The following WDPCP variants were observed in gnomAD, a reference collection of about 807,000 sequenced individuals.
WDPCP encodes WD repeat containing planar cell polarity effector, also known as WD repeat-containing and planar cell polarity effector protein fritz homolog.
WDPCP carries 71 observed loss-of-function variants against 93.1 expected under a neutral mutation model. The ratio of observed to expected loss-of-function variants is 0.76; its 90% CI spans 0.63 to 0.93. The LOEUF (loss-of-function observed/expected upper bound fraction) is 0.93. WDPCP is among the 40% of genes least tolerant of loss of function. The pLI is 0.00. For missense variants in WDPCP, 844 were observed against 887.4 expected (o/e 0.95, Z 0.62); for synonymous variants, 315 against 315.0 (o/e 1.00, Z 0.00).
chr2:63,609,893 A>T (rs1289768854), intron 3 of WDPCP, among the ~76,000 whole-genome samples: 6 of 152,214 alleles, frequency 3.9e-5, no homozygotes, highest in Non-Finnish European at 1.5e-5. Flanking sequence ...AGAAAATGTT[A>T]TATGAAGAAA....
chr2:63,790,566 C>T (rs1670530178), intron 2 of WDPCP, among the ~76,000 whole-genome samples: 1 of 152,000 alleles, frequency 6.6e-6, no homozygotes, highest in Non-Finnish European at 1.5e-5. Context: ...GGGCTACAGC[C>T]CCTTAAACCT....
chr2:63,439,734 G>C (rs757908428), intron 7 of WDPCP, 23 bp downstream of exon 7: 21 of 1,598,690 alleles, frequency 1.3e-5, no homozygotes, highest in Non-Finnish European at 1.6e-5. Flanking sequence ...GTAGGCAATT[G>C]ATTTGCACAT....
chr2:63,708,109 A>T (rs1468383025), intron 2 of WDPCP, among the ~76,000 whole-genome samples: 3 of 152,218 alleles, frequency 2.0e-5, no homozygotes, highest in African/African-American at 7.2e-5. Flanking sequence ...GTCCATTCTC[A>T]GATCTCAAGC....
intron 2 of WDPCP, among the ~76,000 whole-genome samples, chr2:63,491,732 C>T (rs1700889872): frequency 6.6e-6 from 1 of 152,136 alleles, no homozygotes; most frequent in Admixed American, 6.5e-5. Context: ...TTTCTGCAAA[C>T]TTTCATGTCC....
intron 14 of WDPCP, among the ~76,000 whole-genome samples, chr2:63,249,265 T>C (rs1680526988): frequency 6.6e-6 from 1 of 152,166 alleles, no homozygotes. Flanking sequence ...CTGAAATGTG[T>C]GTTGACTGGG....
chr2:63,678,753 G>T (rs1457019825), intron 2 of WDPCP, among the ~76,000 whole-genome samples: 1 of 152,234 alleles, frequency 6.6e-6, no homozygotes, highest in African/African-American at 2.4e-5. Flanking sequence ...GGCACAGTCA[G>T]GCAGAGAAGC....
intron 12 of WDPCP, among the ~76,000 whole-genome samples, chr2:63,336,143 T>A (rs1027970429): frequency 2.0e-5 from 3 of 152,336 alleles, no homozygotes; most frequent in African/African-American, 2.4e-5. Context: ...TTTACTTTTT[T>A]AAATAAACTT....
chr2:63,744,902 TTAAA>T (rs1460702383), intron 2 of WDPCP, among the ~76,000 whole-genome samples: 2 of 152,132 alleles, frequency 1.3e-5, no homozygotes, highest in East Asian at 3.8e-4. Context: ...TTCTTTCAGA[TTAAA>T]TATATACCCA....
chr2:63,640,751 G>A (rs999827951), intron 3 of WDPCP, among the ~76,000 whole-genome samples: 14 of 152,136 alleles, frequency 9.2e-5, no homozygotes, highest in African/African-American at 2.7e-4. Context: ...AATGCAATGC[G>A]TAATAATCAC....
At chr2:63,711,229 G>A (rs536581381) in intron 2 of WDPCP, among the ~76,000 whole-genome samples, 2 of 152,216 alleles carry the variant, frequency 1.3e-5, no homozygotes, top group Middle Eastern at 3.4e-3. Context: ...CTCTCCTGAA[G>A]GTGAAAACAA....
At chr2:63,233,366 A>G in intron 14 of WDPCP, 1 of 272,980 alleles carries the variant, frequency 3.7e-6, no homozygotes, top group Non-Finnish European at 7.1e-6. Context: ...CAAAAGATGG[A>G]ACCATAAATC....
At chr2:63,376,718 G>A (rs1394151206) in intron 12 of WDPCP, among the ~76,000 whole-genome samples, 2 of 151,870 alleles carry the variant, frequency 1.3e-5, no homozygotes, top group African/African-American at 4.8e-5. Context: ...CTTTTACCAT[G>A]TGTTCATTCA....
At chr2:63,633,616 A>G (rs1709887916) in intron 3 of WDPCP, among the ~76,000 whole-genome samples, 1 of 152,214 alleles carries the variant, frequency 6.6e-6, no homozygotes, top group African/African-American at 2.4e-5. Flanking sequence ...ACAGAAAAAA[A>G]TCAAAGCATT....
intron 9 of WDPCP, among the ~76,000 whole-genome samples, chr2:63,420,553 T>G (rs1248524020): frequency 6.7e-6 from 1 of 148,484 alleles, no homozygotes; most frequent in Admixed American, 6.7e-5. Context: ...AAAAAAAGAA[T>G]GAAAGAAATA....
At chr2:63,470,984 G>A (rs1358680957) in intron 6 of WDPCP, among the ~76,000 whole-genome samples, 1 of 152,070 alleles carries the variant, frequency 6.6e-6, no homozygotes, top group Non-Finnish European at 1.5e-5. Flanking sequence ...TCAATCTGGG[G>A]ATACTTCATT....
chr2:63,215,799 G>C (rs1677279625), intron 14 of WDPCP, among the ~76,000 whole-genome samples: 6 of 152,138 alleles, frequency 3.9e-5, no homozygotes. Flanking sequence ...GAAAATTTTT[G>C]CAATCTACTC....
At chr2:63,510,626 G>T (rs1368031655) in intron 1 of WDPCP, among the ~76,000 whole-genome samples, 1 of 152,210 alleles carries the variant, frequency 6.6e-6, no homozygotes, top group Non-Finnish European at 1.5e-5. Context: ...CAAATAGGAA[G>T]AGAGGAAATC....
At chr2:63,619,886 G>A (rs1207968780) in intron 3 of WDPCP, among the ~76,000 whole-genome samples, 11 of 152,206 alleles carry the variant, frequency 7.2e-5, no homozygotes. Flanking sequence ...CCAAAGCAGA[G>A]TGGGACATTG....
At chr2:63,535,474 C>T (rs928963149) in intron 1 of WDPCP, among the ~76,000 whole-genome samples, 1 of 152,192 alleles carries the variant, frequency 6.6e-6, no homozygotes, top group Non-Finnish European at 1.5e-5. Flanking sequence ...TACAAGGCTA[C>T]GGTAACCAAA....
Sources: allele counts gnomAD v4.1 joint callset (sites outside exome capture counted in the v4.1 genomes callset), GRCh38; gene constraint gnomAD v4.1.1; transcripts MANE v1.5; gene names NCBI Gene and HGNC (gene_info 2026-07-23, HGNC 2026-07-21).